The following KLRG1 variants were observed in gnomAD, a reference collection of about 807,000 sequenced individuals.
KLRG1 encodes killer cell lectin like receptor G1.
In KLRG1, 16 loss-of-function variants were observed where a neutral mutation model predicts 21.8. The observed-to-expected ratio is 0.73, with a 90% CI of 0.50 to 1.11. The LOEUF (loss-of-function observed/expected upper bound fraction) is 1.11. KLRG1 is among the 50% of genes most tolerant of loss of function. KLRG1 has a pLI of 0.00. For synonymous variants in KLRG1, 69 were observed against 75.9 expected (o/e 0.91, Z 0.47); for missense variants, 173 against 218.3 (o/e 0.79, Z 1.31).
chr12:9,168,636 T>C, the KLRG1 span: 2 of 427,246 alleles, frequency 4.7e-6, no homozygotes, highest in Admixed American at 4.1e-5. Context: ...TACATCAGAA[T>C]CTTGTATTTT....
chr12:9,025,881 C>T, the KLRG1 span, among the ~76,000 whole-genome samples: 1 of 152,098 alleles, frequency 6.6e-6, no homozygotes, highest in East Asian at 1.9e-4. Flanking sequence ...AAGACAAGGT[C>T]ATATACTAAG....
chr12:9,063,281 C>T, the KLRG1 span, among the ~76,000 whole-genome samples: 1 of 152,268 alleles, frequency 6.6e-6, no homozygotes, highest in African/African-American at 2.4e-5. Context: ...ATATTCTTGT[C>T]ATAACAACCC....
At chr12:9,212,910 A>G in the KLRG1 span, among the ~76,000 whole-genome samples, 1 of 152,210 alleles carries the variant, frequency 6.6e-6, no homozygotes, top group Non-Finnish European at 1.5e-5. Flanking sequence ...GAACATTTCC[A>G]TCACCCCCAA....
the KLRG1 span, among the ~76,000 whole-genome samples, chr12:9,025,952 A>G: frequency 6.6e-6 from 1 of 152,322 alleles, no homozygotes; most frequent in African/African-American, 2.4e-5. Context: ...GAATAATCAC[A>G]AAGGGGAAAG....
chr12:9,133,103 A>G, the KLRG1 span, among the ~76,000 whole-genome samples: 1 of 152,114 alleles, frequency 6.6e-6, no homozygotes, highest in Non-Finnish European at 1.5e-5. Flanking sequence ...TAGATTTCCT[A>G]CTAGGGCAAG....
At chr12:8,996,137 G>A (rs1947124079) in intron 3 of KLRG1, among the ~76,000 whole-genome samples, 1 of 152,104 alleles carries the variant, frequency 6.6e-6, no homozygotes, top group Non-Finnish European at 1.5e-5. Flanking sequence ...TGGGATATAA[G>A]GAAGAAAACA....
At chr12:9,160,131 G>A in the KLRG1 span, 3 of 1,199,312 alleles carry the variant, frequency 2.5e-6, no homozygotes, top group Non-Finnish European at 3.6e-6. Context: ...ATGACCTTCT[G>A]TGATCTGCCA....
chr12:8,956,541 G>A (rs56759930), intron 1 of KLRG1, among the ~76,000 whole-genome samples: 8,410 of 152,094 alleles, frequency 0.055, 331 homozygotes, highest in African/African-American at 0.11. Context: ...TGCCTCCCAG[G>A]TTCAAGTGAT....
the KLRG1 span, chr12:9,090,168 G>T: frequency 7.3e-7 from 1 of 1,361,642 alleles, no homozygotes; most frequent in Non-Finnish European, 1.0e-6. Context: ...AATGAGAGGT[G>T]AATGATACTG....
chr12:9,125,638 G>A, the KLRG1 span, among the ~76,000 whole-genome samples: 7 of 152,120 alleles, frequency 4.6e-5, no homozygotes, highest in South Asian at 4.2e-4. Flanking sequence ...CATTTTTAAC[G>A]TATTCCTCTC....
At chr12:9,122,261 C>A in the KLRG1 span, among the ~76,000 whole-genome samples, 1 of 152,088 alleles carries the variant, frequency 6.6e-6, no homozygotes, top group Admixed American at 6.5e-5. Context: ...CTTTGATGAA[C>A]AGAAAATAAG....
chr12:9,176,366 G>T, the KLRG1 span, among the ~76,000 whole-genome samples: 1 of 152,176 alleles, frequency 6.6e-6, no homozygotes, highest in African/African-American at 2.4e-5. Context: ...ATACCTAGGT[G>T]ATGGGTTGAT....
intron 1 of KLRG1, among the ~76,000 whole-genome samples, chr12:8,962,719 A>C (rs1186774841): frequency 3.2e-4 from 22 of 69,206 alleles, no homozygotes; most frequent in South Asian, 2.0e-3. Flanking sequence ...CTGTTTCCCA[A>C]AAAAAAAAAA....
chr12:8,964,223 C>T (rs1457709916), intron 1 of KLRG1, among the ~76,000 whole-genome samples: 1 of 152,198 alleles, frequency 6.6e-6, no homozygotes, highest in African/African-American at 2.4e-5. Flanking sequence ...CCCAGAGATT[C>T]TGGTATGTCG....
upstream of KLRG1, among the ~76,000 whole-genome samples, chr12:8,985,116 T>C (rs1207118978): frequency 6.6e-6 from 1 of 152,176 alleles, no homozygotes; most frequent in African/African-American, 2.4e-5. Flanking sequence ...GGATACCACA[T>C]TACATCTAGT....
chr12:8,959,838 A>G (rs181637662), intron 1 of KLRG1, among the ~76,000 whole-genome samples: 1 of 152,244 alleles, frequency 6.6e-6, no homozygotes, highest in East Asian at 1.9e-4. Context: ...GTGAATGTTT[A>G]CTGGTAGTAT....
At chr12:9,149,444 C>A in the KLRG1 span, 1 of 1,015,558 alleles carries the variant, frequency 9.8e-7, no homozygotes, top group South Asian at 1.8e-5. Context: ...GGTGTGAGGA[C>A]ATGCCATGTG....
At chr12:9,112,573 A>C in the KLRG1 span, 1 of 1,610,682 alleles carries the variant, frequency 6.2e-7, no homozygotes, top group Non-Finnish European at 8.5e-7. Context: ...CCCATTCAGC[A>C]CCCGCAGGTC....
the KLRG1 span, chr12:9,067,694 A>C: frequency 1.3e-6 from 1 of 799,642 alleles, no homozygotes; most frequent in Non-Finnish European, 2.2e-6. Context: ...TTGAATGAAC[A>C]GGAAACAGGG....
Sources: gnomAD v4.1 joint callset for allele counts (sites outside exome capture counted in the v4.1 genomes callset) on GRCh38, gnomAD v4.1.1 for gene constraint, MANE v1.5 for transcripts, NCBI Gene and HGNC (gene_info 2026-07-23, HGNC 2026-07-21) for gene names.